PHKA2: variants seen among roughly 807,000 people sequenced by gnomAD.
PHKA2 encodes phosphorylase b kinase regulatory subunit alpha, liver isoform.
Under a neutral mutation model 102.0 loss-of-function variants are expected in PHKA2, and 31 were observed. The observed-to-expected ratio is 0.30, with a 90% CI of 0.23 to 0.41. The LOEUF (loss-of-function observed/expected upper bound fraction) is 0.41. Ranked by LOEUF, PHKA2 falls within the 10% of genes least tolerant of loss-of-function variation. PHKA2 has a pLI of 1.00. For synonymous variants in PHKA2, 455 were observed against 416.2 expected (o/e 1.09, Z -1.13); for missense variants, 858 against 1,023.1 (o/e 0.84, Z 2.20).
chrX:18,933,523 C>T (rs1359218143), intron 11 of PHKA2, among the ~76,000 whole-genome samples: 1 of 112,773 alleles, frequency 8.9e-6, no homozygotes, highest in Admixed American at 9.3e-5. Flanking sequence ...TGGTGCCCTG[C>T]ACAAGCACAT....
rs1310589985 is a variant in PHKA2 at position 18,893,543 on chromosome X, C to T, written c.3650G>A (p.Arg1217Lys). The change falls in exon 33 of 33, where the codon AGA (arginine) becomes AAA (lysine). Residue 1217 changes from arginine (R) to lysine (K), a missense_variant. Transcript: ENST00000379942. The part of the protein sequence containing the change: ...GAYGTMTYLT[R>K]AVASYLQELL... ...TTCCTGCAAATAAGAAGCCACTGCT[C>T]TTGTTAGGTAGGTCATCGTCCCATA... is the stretch of plus-strand genomic sequence containing the variant. 1.7e-6 allele frequency: 2 copies of T among 1,211,787 alleles called. No homozygotes were observed. Among genetic ancestry groups the T allele is most frequent in the South Asian group, 3.5e-5 (2 of 57,013 alleles).
intron 22 of PHKA2, 150 bp downstream of exon 22, chrX:18,907,750 G>T: frequency 1.8e-6 from 1 of 569,882 alleles, no homozygotes; most frequent in Non-Finnish European, 3.0e-6. Context: ...TGGAGCAGCA[G>T]GCAGGCAGGA....
At chrX:18,969,099 G>A (rs1175255467) in intron 1 of PHKA2, among the ~76,000 whole-genome samples, 1 of 106,304 alleles carries the variant, frequency 9.4e-6, no homozygotes, top group Non-Finnish European at 1.9e-5. Flanking sequence ...GGCAACAAGA[G>A]AGAAACTCTG....
At chrX:18,936,193 T>A in intron 10 of PHKA2, 43 bp from the exon 11 acceptor site, 1 of 913,038 alleles carries the variant, frequency 1.1e-6, no homozygotes, top group Non-Finnish European at 1.6e-6. Flanking sequence ...GGAGGTCTGG[T>A]CATGATTGCT....
At chrX:18,941,909 G>A (rs776124768) in intron 7 of PHKA2, among the ~76,000 whole-genome samples, 4 of 112,676 alleles carry the variant, frequency 3.6e-5, no homozygotes, top group East Asian at 2.8e-4. Context: ...TGAAGCCCAC[G>A]CTAAGAACTG....
At position 18,952,512 on chromosome X, in the gene PHKA2, G is replaced by C; in HGVS notation, c.267C>G (p.Leu89=). ...TGCCTACCTGTCTCATCATGCACTGGAGAAGACCTCGCATCAGCTTCACCA... is the reference window on the plus strand; with the variant it reads ...TGCCTACCTGTCTCATCATGCACTGCAGAAGACCTCGCATCAGCTTCACCA... ...QNVVKLMRGL[L]QCMMRQVAKV... is the part of the protein sequence containing the mutation. The change falls in exon 3 of 33, where the codon CTC becomes CTG. Residue 89 remains leucine (L), a synonymous_variant. Transcript: ENST00000379942. 8.3e-7 allele frequency: 1 copy of C among 1,210,628 alleles called. No individual in the cohort carries two copies. Among genetic ancestry groups the C allele is most frequent in the Non-Finnish European group, 1.1e-6 (1 of 894,548 alleles).
At chrX:18,936,847 G>A (rs1342562688) in intron 10 of PHKA2, among the ~76,000 whole-genome samples, 1 of 112,042 alleles carries the variant, frequency 8.9e-6, no homozygotes, top group African/African-American at 3.2e-5. Context: ...GACAGCAAAG[G>A]TGTAGAAGGG....
At chrX:18,960,974 G>A (rs1301788276) in intron 1 of PHKA2, among the ~76,000 whole-genome samples, 1 of 112,326 alleles carries the variant, frequency 8.9e-6, no homozygotes, top group African/African-American at 3.2e-5. Flanking sequence ...CTTTTTAACA[G>A]TGTTGGGACA....
chrX:18,916,140 C>G (rs1054244716), intron 19 of PHKA2, among the ~76,000 whole-genome samples: 7 of 112,099 alleles, frequency 6.2e-5, no homozygotes, highest in Non-Finnish European at 3.8e-5. Flanking sequence ...ATGAGCCGGG[C>G]ACGGTGGCTC....
intron 1 of PHKA2, among the ~76,000 whole-genome samples, chrX:18,962,763 A>C (rs996107065): frequency 8.9e-6 from 1 of 112,624 alleles, no homozygotes; most frequent in African/African-American, 3.2e-5. Flanking sequence ...TGCTGTGTTA[A>C]CAGAAGTATT....
intron 14 of PHKA2, among the ~76,000 whole-genome samples, 164 bp from the exon 15 acceptor site, chrX:18,925,941 T>G (rs1189900743): frequency 8.9e-6 from 1 of 111,743 alleles, no homozygotes. Context: ...AGCTGAATAT[T>G]AAAACAAATC....
In PHKA2 at chrX:18,931,631, A is replaced by G. The variant is rs1325942813; in HGVS notation, c.1245+10T>C. The G allele has an allele frequency of 8.7e-7, 1 of 1,153,803 alleles. No individual in the cohort carries two copies. The highest frequency in any genetic ancestry group is 1.2e-6 in the Non-Finnish European group (1 of 842,892). ...ATGGTTTCCAGTCTGTGAGGCCACT[A>G]AGCCCCTACCTCTGCCAACAGCGAG... is the stretch of plus-strand genomic sequence containing the variant. On this transcript the variant is annotated intron_variant, in intron 12 of 32. Coordinates refer to ENST00000379942, the MANE Select transcript of PHKA2 (RefSeq NM_000292.3).
At chrX:18,937,665 C>T (rs1362334992) in intron 10 of PHKA2, among the ~76,000 whole-genome samples, 1 of 111,922 alleles carries the variant, frequency 8.9e-6, no homozygotes, top group Non-Finnish European at 1.9e-5. Context: ...TTTCATTGTG[C>T]TTGGATCACA....
chrX:18,978,158 AAAT>A (rs746132285), intron 1 of PHKA2, among the ~76,000 whole-genome samples: 2 of 110,007 alleles, frequency 1.8e-5, no homozygotes, highest in East Asian at 2.9e-4. Flanking sequence ...CTCTGTCTCA[AAAT>A]AATAATAATA....
intron 11 of PHKA2, among the ~76,000 whole-genome samples, chrX:18,932,186 GA>G (rs747349338): frequency 3.8e-4 from 43 of 112,360 alleles, no homozygotes; most frequent in African/African-American, 1.4e-3. Context: ...AGAATTGCCA[GA>G]AGGTGGCACT....
chrX:18,951,319 G>A (rs377595971), intron 3 of PHKA2, 47 bp from the exon 4 acceptor site: 1 of 1,159,286 alleles, frequency 8.6e-7, no homozygotes, highest in Non-Finnish European at 1.2e-6. Flanking sequence ...GGGGTTCATG[G>A]CTGGCAGAGA....
At position 18,957,738 on chromosome X, in the gene PHKA2, TTATATATA is replaced by T. The variant is rs748964864; in HGVS notation, c.79-3334_79-3327del. Among the ~76,000 whole-genome samples the T allele has an allele frequency of 4.2e-5, 4 of 95,182 alleles. No individual in the cohort carries two copies. In the Admixed American group the frequency reaches 4.5e-4, roughly 11 times the overall value. The allele number at this position is 95,182 out of a possible 115,157, so 82.7% of individuals were successfully genotyped here. A position where few individuals can be genotyped will look rare whatever the true frequency, so the allele number is the denominator to read the frequency against. Reference sequence around the variant, plus strand: ...TTTCCTATGTGTTACTAAAACCAGATTATATATATATATATATATATAATTGTACCCCT... The same window carrying T: ...TTTCCTATGTGTTACTAAAACCAGATTATATATATATATAATTGTACCCCT... On this transcript the variant is annotated intron_variant, in intron 1 of 32. Transcript: ENST00000379942.
chrX:18,969,117 A>T (rs893304911), intron 1 of PHKA2, among the ~76,000 whole-genome samples: 23 of 91,117 alleles, frequency 2.5e-4, no homozygotes, highest in East Asian at 2.5e-3. Flanking sequence ...CTGTATATTT[A>T]AAAAAAAAAA....
In PHKA2 at chrX:18,902,427, G is replaced by A. The variant is rs773337720; in HGVS notation, c.2909-824C>T. 6.3e-4 allele frequency among the ~76,000 whole-genome samples: 68 copies of A among 108,688 alleles called. 1 individual carries two copies. Among genetic ancestry groups the A allele is most frequent in the African/African-American group, 1.8e-3 (55 of 30,058 alleles). 94.4% of individuals were successfully genotyped at this position (108,688 alleles called of 115,157 possible). A position where few individuals can be genotyped will look rare whatever the true frequency, so the allele number is the denominator to read the frequency against. The stretch of plus-strand genomic sequence containing the variant: ...GCTGGGATTACAGGCATGAACCACC[G>A]TGCCCACCCTTGCTTTTGGATAAGT... On this transcript the variant is annotated intron_variant, in intron 26 of 32. Coordinates refer to ENST00000379942, the MANE Select transcript of PHKA2 (RefSeq NM_000292.3).
Sources: gnomAD v4.1 joint callset for allele counts (sites outside exome capture counted in the v4.1 genomes callset) on GRCh38, gnomAD v4.1.1 for gene constraint, MANE v1.5 for transcripts, NCBI Gene and HGNC (gene_info 2026-07-23, HGNC 2026-07-21) for gene names.